POLA1: variants seen among roughly 807,000 people sequenced by gnomAD.
The protein encoded by POLA1 is DNA polymerase alpha catalytic subunit.
Under a neutral mutation model 124.0 loss-of-function variants are expected in POLA1, and 15 were observed. The ratio of observed to expected loss-of-function variants is 0.12; its 90% CI spans 0.08 to 0.19. The LOEUF is 0.19. Among genes scored for constraint, POLA1 ranks in the 10% least tolerant of loss-of-function variants. The probability of loss-of-function intolerance (pLI) is 1.00; values close to 1 mark genes in which losing one functional copy is unlikely to be tolerated. For synonymous variants in POLA1, 408 were observed against 389.4 expected (o/e 1.05, Z -0.56); for missense variants, 886 against 1,103.4 (o/e 0.80, Z 2.79).
At position 24,716,365 on chromosome X, in the gene POLA1, C is replaced by T. The variant is rs201649929; in HGVS notation, c.529C>T (p.Pro177Ser). ...DILQDLNTET[P>S]QITPPPVMIL... is the part of the protein sequence containing the mutation. ...TATGTCTTACCTTTCCTTTTAGACA[C>T]CTCAAATAACTCCACCACCTGTAAT... Residue 177 changes from proline to serine, a missense_variant, in exon 7 of 37, where the codon CCT becomes TCT. Transcript: ENST00000379068. The T allele has an allele frequency of 2.1e-5, 24 of 1,129,154 alleles. No individual in the cohort carries two copies. In the African/African-American group the frequency reaches 4.3e-4, roughly 20 times the overall value. 93.1% of individuals were successfully genotyped at this position (1,129,154 alleles called of 1,213,427 possible).
At chrX:24,942,816 G>A (rs894896862) in intron 36 of POLA1, among the ~76,000 whole-genome samples, 6 of 111,606 alleles carry the variant, frequency 5.4e-5, no homozygotes, top group Admixed American at 9.5e-5. Flanking sequence ...CCAGTCCCCC[G>A]CCCCTAGTAG....
At chrX:24,795,438 C>T (rs2045588125) in intron 26 of POLA1, among the ~76,000 whole-genome samples, 1 of 111,246 alleles carries the variant, frequency 9.0e-6, no homozygotes, top group African/African-American at 3.3e-5. Context: ...TCTTGGGTGA[C>T]AGGCCACCAT....
At chrX:24,703,914 A>G (rs1928629001) in intron 3 of POLA1, among the ~76,000 whole-genome samples, 1 of 111,896 alleles carries the variant, frequency 8.9e-6, no homozygotes, top group South Asian at 3.7e-4. Flanking sequence ...TCTCACTTGT[A>G]GGGTCTGACT....
chrX:24,906,678 A>T (rs769254246), intron 35 of POLA1, among the ~76,000 whole-genome samples: 30 of 110,184 alleles, frequency 2.7e-4, no homozygotes, highest in Non-Finnish European at 5.1e-4. Context: ...TATTGAAATA[A>T]TTTTTTTTTA....
At chrX:24,956,436 G>A (rs1177789983) in intron 36 of POLA1, among the ~76,000 whole-genome samples, 1 of 109,685 alleles carries the variant, frequency 9.1e-6, no homozygotes, top group East Asian at 2.8e-4. Context: ...TTAGTGTAGG[G>A]GAAAAACCGA....
intron 26 of POLA1, among the ~76,000 whole-genome samples, chrX:24,806,670 G>T (rs958714532): frequency 4.5e-5 from 5 of 111,370 alleles, no homozygotes; most frequent in Non-Finnish European, 9.4e-5. Context: ...AGAGCTATTG[G>T]GTTATATTTA....
At chrX:24,754,301 A>G (rs1300665815) in intron 26 of POLA1, among the ~76,000 whole-genome samples, 3 of 106,804 alleles carry the variant, frequency 2.8e-5, no homozygotes, top group East Asian at 5.8e-4. Flanking sequence ...CTTGTTGCCT[A>G]GGCTGGAGTG....
chrX:24,753,726 A>G (rs1006672210), intron 26 of POLA1, among the ~76,000 whole-genome samples: 4 of 111,951 alleles, frequency 3.6e-5, no homozygotes, highest in African/African-American at 1.3e-4. Context: ...TAACGGGAAT[A>G]TTTGTCTTGA....
chrX:24,882,656 T>C (rs1364197757), intron 34 of POLA1, among the ~76,000 whole-genome samples: 2 of 108,863 alleles, frequency 1.8e-5, no homozygotes, highest in Non-Finnish European at 3.8e-5. Flanking sequence ...TCTCATTCTT[T>C]TTTATGGCTG....
chrX:24,784,290 A>T (rs2045324157), intron 26 of POLA1, among the ~76,000 whole-genome samples: 1 of 109,510 alleles, frequency 9.1e-6, no homozygotes, highest in Non-Finnish European at 1.9e-5. Context: ...TAACCTCGTG[A>T]TTCGCCCACC....
intron 36 of POLA1, among the ~76,000 whole-genome samples, chrX:24,995,374 C>G (rs949656559): frequency 2.7e-5 from 3 of 112,159 alleles, no homozygotes; most frequent in African/African-American, 9.7e-5. Flanking sequence ...CCCAGCTGAT[C>G]TGGGGAGTTG....
intron 32 of POLA1, among the ~76,000 whole-genome samples, chrX:24,838,879 A>G (rs1191863381): frequency 8.9e-6 from 1 of 112,297 alleles, no homozygotes; most frequent in Non-Finnish European, 1.9e-5. Context: ...TTTAGGGTAT[A>G]AGCAGTAAAA....
chrX:24,874,565 C>T (rs893505331), intron 34 of POLA1, among the ~76,000 whole-genome samples: 2 of 111,852 alleles, frequency 1.8e-5, no homozygotes, highest in African/African-American at 6.5e-5. Context: ...GTTCATTGTT[C>T]AGAAAATAAT....
At chrX:24,902,001 C>T (rs1005874379) in intron 35 of POLA1, among the ~76,000 whole-genome samples, 1 of 108,550 alleles carries the variant, frequency 9.2e-6, no homozygotes, top group Non-Finnish European at 1.9e-5. Flanking sequence ...CGTGCATGTG[C>T]GTGCACACAC....
chrX:24,802,145 A>T (rs1038417691), intron 26 of POLA1, among the ~76,000 whole-genome samples: 2 of 110,562 alleles, frequency 1.8e-5, no homozygotes, highest in African/African-American at 3.3e-5. Flanking sequence ...GGGCCCGCTC[A>T]CACTGTGGTG....
At chrX:24,702,201 T>A (rs1928496697) in intron 2 of POLA1, among the ~76,000 whole-genome samples, 1 of 110,267 alleles carries the variant, frequency 9.1e-6, no homozygotes, top group South Asian at 3.9e-4. Context: ...CCTGAGTAGC[T>A]GGGACTGCAG....
chrX:24,823,990 T>G (rs757879489), intron 31 of POLA1, among the ~76,000 whole-genome samples: 1 of 112,471 alleles, frequency 8.9e-6, no homozygotes, highest in South Asian at 3.7e-4. Flanking sequence ...TTAACTTTCA[T>G]TAGACATAAT....
chrX:24,857,618 A>C (rs755400581), intron 34 of POLA1, among the ~76,000 whole-genome samples: 1 of 111,565 alleles, frequency 9.0e-6, no homozygotes, highest in African/African-American at 3.2e-5. Flanking sequence ...ATGTTTTGTT[A>C]GATTTATATA....
intron 36 of POLA1, among the ~76,000 whole-genome samples, chrX:24,947,813 A>G (rs2047986350): frequency 8.9e-6 from 1 of 112,191 alleles, no homozygotes; most frequent in African/African-American, 3.2e-5. Flanking sequence ...TGTAAACAAT[A>G]CTACTAATAG....
Sources: gnomAD v4.1 joint callset for allele counts (sites outside exome capture counted in the v4.1 genomes callset) on GRCh38, gnomAD v4.1.1 for gene constraint, MANE v1.5 for transcripts, NCBI Gene and HGNC (gene_info 2026-07-23, HGNC 2026-07-21) for gene names.